Variants in TMEM117 observed in about 807,000 individuals in gnomAD.
The protein encoded by TMEM117 is transmembrane protein 117.
In TMEM117, 27 loss-of-function variants were observed where a neutral mutation model predicts 52.4. That is an observed-to-expected ratio of 0.51 (90% CI 0.38 to 0.71). The LOEUF is 0.71. Ranked by LOEUF, TMEM117 falls within the 30% of genes least tolerant of loss-of-function variation. TMEM117 has a pLI of 0.00. For synonymous variants in TMEM117, 215 were observed against 206.3 expected, an observed-to-expected ratio of 1.04 and a Z score of -0.36; for missense variants, 556 against 630.5, an observed-to-expected ratio of 0.88 and a Z score of 1.26.
chr12:44,049,262 G>A (rs921856318), intron 3 of TMEM117, among the ~76,000 whole-genome samples: 8 of 152,130 alleles, frequency 5.3e-5, no homozygotes, highest in Non-Finnish European at 1.0e-4. Flanking sequence ...CATGTCTTTT[G>A]CAGGGACATG....
At chr12:44,175,874 G>T (rs1949110063) in intron 4 of TMEM117, among the ~76,000 whole-genome samples, 4 of 152,168 alleles carry the variant, frequency 2.6e-5, no homozygotes, top group Non-Finnish European at 2.9e-5. Flanking sequence ...TGGTTTAATT[G>T]AAATGAATGA....
At chr12:44,273,256 A>T (rs1950471243) in intron 5 of TMEM117, among the ~76,000 whole-genome samples, 1 of 152,038 alleles carries the variant, frequency 6.6e-6, no homozygotes, top group Non-Finnish European at 1.5e-5. Flanking sequence ...TAGGAGATGT[A>T]CCTAATGTAA....
At chr12:43,995,418 A>C (rs573570148) in intron 3 of TMEM117, among the ~76,000 whole-genome samples, 1 of 152,210 alleles carries the variant, frequency 6.6e-6, no homozygotes, top group Non-Finnish European at 1.5e-5. Flanking sequence ...TAGATGCCTT[A>C]GTGTTTACAC....
intron 2 of TMEM117, among the ~76,000 whole-genome samples, chr12:43,899,726 C>G (rs1042867511): frequency 6.6e-6 from 1 of 152,146 alleles, no homozygotes; most frequent in African/African-American, 2.4e-5. Flanking sequence ...CCAATACCCA[C>G]CACAGTGCAA....
chr12:44,280,852 T>C (rs1290650554), intron 5 of TMEM117, among the ~76,000 whole-genome samples: 1 of 152,172 alleles, frequency 6.6e-6, no homozygotes, highest in African/African-American at 2.4e-5. Context: ...ACTTTTTATA[T>C]AGCTTTAAAA....
At chr12:44,042,082 T>C (rs2137899163) in intron 3 of TMEM117, among the ~76,000 whole-genome samples, 1 of 152,338 alleles carries the variant, frequency 6.6e-6, no homozygotes. Context: ...TATGATTCTA[T>C]ACCTAGAAAA....
chr12:43,820,070 A>G, the TMEM117 span, among the ~76,000 whole-genome samples: 1 of 152,154 alleles, frequency 6.6e-6, no homozygotes, highest in Non-Finnish European at 1.5e-5. Flanking sequence ...CTACCTCTCT[A>G]GCTCTTAACA....
At chr12:44,356,242 T>C (rs918313428) in intron 6 of TMEM117, among the ~76,000 whole-genome samples, 2 of 152,128 alleles carry the variant, frequency 1.3e-5, no homozygotes, top group Non-Finnish European at 2.9e-5. Flanking sequence ...ATATGACATG[T>C]AAAACAGATA....
chr12:44,037,709 C>A (rs978885375), intron 3 of TMEM117, among the ~76,000 whole-genome samples: 5 of 152,084 alleles, frequency 3.3e-5, no homozygotes, highest in Non-Finnish European at 7.4e-5. Flanking sequence ...CTGAACTCAG[C>A]CAGACTCAAG....
Position 43,974,471 on chromosome 12 carries a change from G to A in TMEM117, c.410+30129G>A, listed in dbSNP as rs558053421. On this transcript the variant is annotated intron_variant, in intron 3 of 7. Coordinates refer to ENST00000266534, the MANE Select transcript of TMEM117 (RefSeq NM_032256.3). ...AGAAAGTATGTTTTGTAAAGGACTTGTTCTATTTCTGAGTTCTTGTTTCTT... is the reference window on the plus strand; with the variant it reads ...AGAAAGTATGTTTTGTAAAGGACTTATTCTATTTCTGAGTTCTTGTTTCTT... Among the ~76,000 whole-genome samples, 13 of 152,210 alleles carry A rather than the reference G, an allele frequency of 8.5e-5. No homozygotes were observed. The South Asian group carries it at 2.7e-3, about 32-fold the overall frequency.
chr12:44,346,281 A>C (rs944533613), intron 6 of TMEM117, among the ~76,000 whole-genome samples: 1 of 152,114 alleles, frequency 6.6e-6, no homozygotes, highest in African/African-American at 2.4e-5. Context: ...GCAGTGTTCT[A>C]CAAAGTTGGA....
intron 5 of TMEM117, among the ~76,000 whole-genome samples, chr12:44,295,021 C>T (rs1291671814): frequency 6.6e-6 from 1 of 152,118 alleles, no homozygotes; most frequent in Admixed American, 6.5e-5. Context: ...GTGGGTCCTT[C>T]TTTAGATTCT....
At chr12:44,083,389 G>GTTTTTTTTTTT (rs1160025038) in intron 3 of TMEM117, among the ~76,000 whole-genome samples, 3 of 80,398 alleles carry the variant, frequency 3.7e-5, no homozygotes, top group African/African-American at 5.6e-5. Context: ...GGTATTGTTA[G>GTTTTTTTTTTT]TTTTTTTTTT....
At chr12:44,096,116 G>A (rs541530736) in intron 3 of TMEM117, among the ~76,000 whole-genome samples, 72 of 152,246 alleles carry the variant, frequency 4.7e-4, no homozygotes, top group African/African-American at 1.5e-3. Context: ...ATTCACAATT[G>A]CTTCAAAGAG....
intron 5 of TMEM117, among the ~76,000 whole-genome samples, chr12:44,237,438 G>A (rs1950010921): frequency 6.6e-6 from 1 of 151,956 alleles, no homozygotes; most frequent in South Asian, 2.1e-4. Context: ...AGGGACTATA[G>A]GCCAGGCATG....
intron 3 of TMEM117, among the ~76,000 whole-genome samples, chr12:43,956,824 A>G (rs530221354): frequency 7.2e-5 from 11 of 152,206 alleles, no homozygotes; most frequent in Non-Finnish European, 1.5e-4. Context: ...AGGATTTATA[A>G]ATCATTCTAT....
the TMEM117 span, among the ~76,000 whole-genome samples, chr12:44,398,629 T>C: frequency 1.3e-5 from 2 of 152,134 alleles, no homozygotes; most frequent in South Asian, 4.1e-4. Context: ...CAGGAGGAGC[T>C]GGCTCCTGAG....
chr12:44,234,693 A>G (rs1278975816), intron 5 of TMEM117, among the ~76,000 whole-genome samples: 4 of 151,342 alleles, frequency 2.6e-5, no homozygotes, highest in African/African-American at 9.7e-5. Flanking sequence ...CTTCACAGGC[A>G]TACTTTCTTT....
At chr12:44,076,440 G>A (rs1345122342) in intron 3 of TMEM117, among the ~76,000 whole-genome samples, 1 of 152,122 alleles carries the variant, frequency 6.6e-6, no homozygotes. Context: ...AATCTTTAAT[G>A]AAAAGGTTAC....
Sources: gnomAD v4.1 joint callset for allele counts (sites outside exome capture counted in the v4.1 genomes callset) on GRCh38, gnomAD v4.1.1 for gene constraint, MANE v1.5 for transcripts, NCBI Gene and HGNC (gene_info 2026-07-23, HGNC 2026-07-21) for gene names.